The following FRMPD2 variants were observed in gnomAD, a reference collection of about 807,000 sequenced individuals.
The protein encoded by FRMPD2 is FERM and PDZ domain containing 2.
In FRMPD2, 96 loss-of-function variants were observed where a neutral mutation model predicts 140.1. The observed-to-expected ratio is 0.69, with a 90% CI of 0.58 to 0.81. FRMPD2 has a LOEUF of 0.81. Ranked by LOEUF, FRMPD2 falls within the 40% of genes least tolerant of loss-of-function variation. The pLI is 0.00. For synonymous variants in FRMPD2, 449 were observed against 547.6 expected, an observed-to-expected ratio of 0.82 and a Z score of 2.52; for missense variants, 1,240 against 1,447.4, an observed-to-expected ratio of 0.86 and a Z score of 2.32.
At chr10:48,198,197 G>C (rs1320305944) in intron 15 of FRMPD2, among the ~76,000 whole-genome samples, 2 of 152,084 alleles carry the variant, frequency 1.3e-5, no homozygotes, top group Admixed American at 6.6e-5. Context: ...TATCAAAAAA[G>C]TATCACAGAG....
chr10:48,257,702 T>C (rs1460167483), intron 1 of FRMPD2, among the ~76,000 whole-genome samples: 2 of 152,204 alleles, frequency 1.3e-5, no homozygotes, highest in Non-Finnish European at 2.9e-5. Flanking sequence ...TCTTAGCTCC[T>C]TGACCCTGGG....
At chr10:48,255,612 C>T (rs2455321) in intron 1 of FRMPD2, among the ~76,000 whole-genome samples, 6,824 of 152,178 alleles carry the variant, frequency 0.045, 504 homozygotes, top group African/African-American at 0.15. Flanking sequence ...AGACAGCCAA[C>T]GAGAAGGTAA....
At chr10:48,177,654 A>G (rs1158269245) in intron 22 of FRMPD2, 1 of 186,404 alleles carries the variant, frequency 5.4e-6, no homozygotes, top group Non-Finnish European at 1.2e-5. Context: ...TCTATGCTGG[A>G]TGACAGTGGA....
chr10:48,250,052 C>T (rs1840338810), intron 2 of FRMPD2, among the ~76,000 whole-genome samples: 1 of 150,748 alleles, frequency 6.6e-6, no homozygotes, highest in South Asian at 2.1e-4. Context: ...AAGGCCGGAA[C>T]TTGACATGTG....
chr10:48,216,582 G>T (rs1217483350), intron 12 of FRMPD2, among the ~76,000 whole-genome samples: 2 of 152,154 alleles, frequency 1.3e-5, no homozygotes, highest in Non-Finnish European at 2.9e-5. Flanking sequence ...CAGACTGAAG[G>T]TTAGCAGTTG....
At chr10:48,186,586 C>G (rs1424172436) in intron 17 of FRMPD2, among the ~76,000 whole-genome samples, 1 of 152,116 alleles carries the variant, frequency 6.6e-6, no homozygotes, top group Non-Finnish European at 1.5e-5. Context: ...GTAAGAAGTG[C>G]CTTTCACCTC....
At chr10:48,192,348 G>A (rs1354087618) in intron 16 of FRMPD2, among the ~76,000 whole-genome samples, 2 of 152,116 alleles carry the variant, frequency 1.3e-5, no homozygotes, top group African/African-American at 2.4e-5. Flanking sequence ...TTGGGAGGCC[G>A]AGGAGGGTGG....
At chr10:48,245,403 T>C (rs556740585) in intron 3 of FRMPD2, among the ~76,000 whole-genome samples, 32 of 152,332 alleles carry the variant, frequency 2.1e-4, no homozygotes, top group Admixed American at 6.5e-4. Context: ...CATGACACAT[T>C]ACAGTTCAGC....
chr10:48,171,868 T>A (rs1399917807), intron 25 of FRMPD2, among the ~76,000 whole-genome samples: 1 of 152,270 alleles, frequency 6.6e-6, no homozygotes, highest in Non-Finnish European at 1.5e-5. Context: ...TGTAGTATAC[T>A]TGAAACTAAA....
chr10:48,256,368 G>A (rs528679357), intron 1 of FRMPD2, among the ~76,000 whole-genome samples: 6 of 152,244 alleles, frequency 3.9e-5, no homozygotes, highest in Admixed American at 2.6e-4. Flanking sequence ...GTAAAGTGCT[G>A]GCTTCTGAAG....
chr10:48,197,669 G>A (rs1838984677), intron 15 of FRMPD2, among the ~76,000 whole-genome samples: 1 of 152,224 alleles, frequency 6.6e-6, no homozygotes, highest in Non-Finnish European at 1.5e-5. Flanking sequence ...CATGAAGGGT[G>A]TAAACCACTA....
chr10:48,213,811 G>A (rs1839385733), intron 12 of FRMPD2, among the ~76,000 whole-genome samples: 1 of 152,190 alleles, frequency 6.6e-6, no homozygotes, highest in African/African-American at 2.4e-5. Context: ...GGAGTTTGGA[G>A]GCAGGGAGAA....
chr10:48,244,693 G>A (rs1199147094), intron 4 of FRMPD2, 91 bp downstream of exon 4: 7 of 930,314 alleles, frequency 7.5e-6, no homozygotes, highest in South Asian at 6.6e-5. Context: ...CATTATGTGT[G>A]CTCAGTAAAT....
At chr10:48,272,817 A>T (rs1206088162) in intron 1 of FRMPD2, among the ~76,000 whole-genome samples, 1 of 152,262 alleles carries the variant, frequency 6.6e-6, no homozygotes, top group Non-Finnish European at 1.5e-5. Context: ...CTGATCCAGC[A>T]GTCACTCATG....
intron 14 of FRMPD2, among the ~76,000 whole-genome samples, chr10:48,205,558 G>C (rs1454354355): frequency 1.3e-5 from 2 of 152,144 alleles, no homozygotes; most frequent in African/African-American, 2.4e-5. Context: ...TAATGTAGTA[G>C]TATTAAATTC....
At chr10:48,233,602 C>G (rs865900805) in intron 9 of FRMPD2, among the ~76,000 whole-genome samples, 11 of 152,126 alleles carry the variant, frequency 7.2e-5, no homozygotes, top group African/African-American at 2.4e-4. Context: ...TGAAGCTGCC[C>G]TCTGGACACT....
At chr10:48,226,069 A>G (rs1009124987) in intron 10 of FRMPD2, among the ~76,000 whole-genome samples, 1 of 152,194 alleles carries the variant, frequency 6.6e-6, no homozygotes, top group South Asian at 2.1e-4. Flanking sequence ...TGAATTTTTA[A>G]GCTTATGGAC....
Position 48,206,764 on chromosome 10 carries a change from C to G in FRMPD2, c.1781G>C (p.Gly594Ala). Residue 594 changes from glycine to alanine, a missense_variant, in exon 14 of 29, where the codon GGG becomes GCG. Gly to Ala is a moderately conservative substitution (Grantham distance 60). Transcript: ENST00000374201. ...TACACTCACATAAGTAGAAATCTTC[C>G]CGGTTTCTCTCCACTGAAACCGTAA... ...AMLRFQWRET[G>A]KISTYQKKFT... The G allele has an allele frequency of 6.2e-7, 1 of 1,613,532 alleles. No homozygotes were observed. The highest frequency in any genetic ancestry group is 8.5e-7 in the Non-Finnish European group (1 of 1,179,536).
intron 14 of FRMPD2, among the ~76,000 whole-genome samples, chr10:48,205,089 C>T (rs1839174809): frequency 6.6e-6 from 1 of 152,100 alleles, no homozygotes; most frequent in Admixed American, 6.6e-5. Context: ...CACTGAATTC[C>T]CTATTTTGTG....
Sources: gnomAD v4.1 joint callset for allele counts (sites outside exome capture counted in the v4.1 genomes callset) on GRCh38, gnomAD v4.1.1 for gene constraint, MANE v1.5 for transcripts, NCBI Gene and HGNC (gene_info 2026-07-23, HGNC 2026-07-21) for gene names.